Variants in TEX10 observed in about 807,000 individuals in gnomAD.
TEX10 encodes the protein testis-expressed protein 10.
Under a neutral mutation model 104.4 loss-of-function variants are expected in TEX10, and 24 were observed. That is an observed-to-expected ratio of 0.23 (90% confidence interval 0.17 to 0.32). The LOEUF (loss-of-function observed/expected upper bound fraction) is 0.32. TEX10 is among the 10% of genes least tolerant of loss of function. The probability of loss-of-function intolerance (pLI) is 1.00; values close to 1 mark genes in which losing one functional copy is unlikely to be tolerated. For synonymous variants in TEX10, 396 were observed against 393.4 expected (o/e 1.01, Z -0.08); for missense variants, 921 against 1,083.9 (o/e 0.85, Z 2.11).
chr9:100,310,178 G>A (rs111723709), intron 12 of TEX10, 121 bp downstream of exon 12: 14 of 792,196 alleles, frequency 1.8e-5, no homozygotes, highest in African/African-American at 1.6e-4. Context: ...CATGCTGCAA[G>A]AGACTATGAT....
rs770096152 is a variant in TEX10 at position 100,308,506 on chromosome 9, C to G, written c.2459G>C (p.Arg820Thr). 6.3e-7 allele frequency: 1 copy of G among 1,583,470 alleles called. No homozygotes were observed. The highest frequency in any genetic ancestry group is 2.2e-5 in the East Asian group (1 of 44,542). ...AAGAATAAAAAATAATTACCTCTTT[C>G]TTAGATGTTCTGCTTCCCCTTTCTC... ...TIEKGEAEHLRKRDKLWGVCV... is the reference protein window; with the variant it reads ...TIEKGEAEHLTKRDKLWGVCV... Residue 820 changes from arginine to threonine, a missense_variant, in exon 13 of 15, where the codon AGA becomes ACA. This residue lies in a region of TEX10 where 753 missense variants were observed against 868.4 expected (regional missense o/e 0.87). Coordinates refer to ENST00000374902, the MANE Select transcript of TEX10 (RefSeq NM_017746.4).
In TEX10 at chr9:100,340,166, G is replaced by A. The variant is rs1374757244; in HGVS notation, c.1250+91C>T. 7.0e-6 allele frequency: 5 copies of A among 710,438 alleles called. No homozygotes were observed. In the East Asian group the frequency reaches 1.5e-4, roughly 21 times the overall value. The allele number at this position is 710,438 out of a possible 1,614,324, so 44.0% of individuals were successfully genotyped here. A position where few individuals can be genotyped will look rare whatever the true frequency, so the allele number is the denominator to read the frequency against. Reference sequence around the variant, plus strand: ...AATCTAGACATAAATACACAGCAGTGTAGAAAGTTCCATATTAAGGTTAAT... The same window carrying A: ...AATCTAGACATAAATACACAGCAGTATAGAAAGTTCCATATTAAGGTTAAT... On this transcript the variant is annotated intron_variant, in intron 5 of 14. Coordinates refer to ENST00000374902, the MANE Select transcript of TEX10 (RefSeq NM_017746.4).
intron 5 of TEX10, among the ~76,000 whole-genome samples, chr9:100,333,111 C>G (rs910525145): frequency 2.0e-5 from 3 of 152,112 alleles, no homozygotes; most frequent in Non-Finnish European, 4.4e-5. Context: ...ATTACAGGAA[C>G]ATGCCACCAC....
chr9:100,305,208 G>A (rs1248719701), intron 13 of TEX10: 3 of 152,194 alleles, frequency 2.0e-5, no homozygotes, highest in African/African-American at 7.2e-5. Flanking sequence ...TACCAGGAGT[G>A]TATAATCTTC....
intron 2 of TEX10, among the ~76,000 whole-genome samples, 190 bp downstream of exon 2, chr9:100,348,994 C>G (rs1226459562): frequency 6.6e-6 from 1 of 152,100 alleles, no homozygotes; most frequent in Non-Finnish European, 1.5e-5. Context: ...GCGAACGTTT[C>G]TGGAGGAAGT....
At chr9:100,346,369 C>A in intron 3 of TEX10, 54 bp from the exon 4 acceptor site, 1 of 1,530,358 alleles carries the variant, frequency 6.5e-7, no homozygotes, top group Non-Finnish European at 8.8e-7. Context: ...TTTATTATCC[C>A]TTGCTAATTT....
intron 3 of TEX10, 58 bp downstream of exon 3, chr9:100,346,636 T>A: frequency 6.7e-7 from 1 of 1,500,404 alleles, no homozygotes; most frequent in Non-Finnish European, 9.0e-7. Flanking sequence ...TCATCAATGG[T>A]TAGCAGTTAT....
intron 10 of TEX10, 36 bp from the exon 11 acceptor site, chr9:100,320,434 AC>A: frequency 6.5e-7 from 1 of 1,546,104 alleles, no homozygotes; most frequent in African/African-American, 1.4e-5. Context: ...ATTTAAAAAA[AC>A]AAAAAACAAA....
chr9:100,329,193 C>T lies in TEX10; in HGVS notation c.1572G>A (p.Leu524=). The part of the protein sequence containing the change: ...GLILPVRTLL[L]KFFSKIYQTE... The stretch of plus-strand genomic sequence containing the variant: ...TCTGATAGATTTTACTGAAAAACTT[C>T]AATAACAAAGTCCGAACTGGAAGGA... Residue 524 remains leucine, a synonymous_variant, in exon 7 of 15, where the codon TTG becomes TTA. Coordinates refer to ENST00000374902, the MANE Select transcript of TEX10 (RefSeq NM_017746.4). 6.2e-7 allele frequency: 1 copy of T among 1,612,196 alleles called. No individual in the cohort carries two copies. Among genetic ancestry groups the T allele is most frequent in the Non-Finnish European group, 8.5e-7 (1 of 1,179,508 alleles).
At chr9:100,342,655 A>G (rs1463371809) in intron 4 of TEX10, among the ~76,000 whole-genome samples, 2 of 152,192 alleles carry the variant, frequency 1.3e-5, no homozygotes, top group Non-Finnish European at 2.9e-5. Context: ...GTTTGGTTAC[A>G]AACTCTAACC....
chr9:100,322,464 T>G lies in TEX10; in HGVS notation c.1980-693A>C, dbSNP rs905492212. Among the ~76,000 whole-genome samples the G allele has an allele frequency of 2.0e-5, 3 of 152,180 alleles. No individual in the cohort carries two copies. The South Asian group carries it at 6.2e-4, about 32-fold the overall frequency. ...GAAAACAGATGTCAGTCATGGGTATTGCAAAAAGGCTGAGAATAATCAGAC... is the reference window on the plus strand; with the variant it reads ...GAAAACAGATGTCAGTCATGGGTATGGCAAAAAGGCTGAGAATAATCAGAC... On this transcript the variant is annotated intron_variant, in intron 9 of 14. Coordinates refer to ENST00000374902, the MANE Select transcript of TEX10 (RefSeq NM_017746.4).
intron 11 of TEX10, among the ~76,000 whole-genome samples, chr9:100,315,693 G>GT (rs1834398789): frequency 3.3e-5 from 5 of 151,932 alleles, no homozygotes; most frequent in African/African-American, 1.2e-4. Context: ...GGGTTTTTTT[G>GT]TTTTTTCCTT....
chr9:100,310,696 C>T (rs897879015), intron 11 of TEX10, among the ~76,000 whole-genome samples: 1 of 152,194 alleles, frequency 6.6e-6, no homozygotes, highest in Non-Finnish European at 1.5e-5. Flanking sequence ...CCTCAAGACT[C>T]CCAAAGTGCT....
chr9:100,346,868 T>C lies in TEX10; in HGVS notation c.719A>G (p.Asp240Gly). The C allele has an allele frequency of 1.2e-6, 2 of 1,614,200 alleles. No homozygotes were observed. The highest frequency in any genetic ancestry group is 1.7e-6 in the Non-Finnish European group (2 of 1,180,024). ...ACTTTCTCTCAACCTACTGGATCCA[T>C]CTGCCAAGGCCTGAAGGAATTTACT... ...RLSKFLQALA[D>G]GSSRLRESEG... is the part of the protein sequence containing the mutation. The change falls in exon 3 of 15, where the codon GAT (aspartate) becomes GGT (glycine). Residue 240 changes from aspartate to glycine, a missense_variant. Around this residue, in one of 3 missense-constraint regions of TEX10, gnomAD observed 753 missense variants for 868.4 expected, o/e 0.87. Coordinates refer to ENST00000374902, the MANE Select transcript of TEX10 (RefSeq NM_017746.4).
chr9:100,344,387 A>G (rs1477116834), intron 4 of TEX10, among the ~76,000 whole-genome samples: 1 of 152,146 alleles, frequency 6.6e-6, no homozygotes, highest in Non-Finnish European at 1.5e-5. Context: ...AGATAAGATG[A>G]CCCAAAACTA....
At chr9:100,317,023 TG>T (rs1460088882) in intron 11 of TEX10, among the ~76,000 whole-genome samples, 10 of 151,332 alleles carry the variant, frequency 6.6e-5, no homozygotes, top group African/African-American at 2.2e-4. Flanking sequence ...AAACATTCAA[TG>T]TTCAGATAGA....
At chr9:100,347,466 A>C (rs1835328421) in intron 2 of TEX10, 60 bp from the exon 3 acceptor site, 2 of 1,327,090 alleles carry the variant, frequency 1.5e-6, no homozygotes, top group East Asian at 2.4e-5. Context: ...ATTTCACGTA[A>C]ACATGCTAAC....
In TEX10 at chr9:100,330,036, T is replaced by G. The variant is rs751616937; in HGVS notation, c.1384A>C (p.Lys462Gln). Residue 462 changes from lysine to glutamine, a missense_variant, in exon 6 of 15, where the codon AAA (lysine) becomes CAA (glutamine). Lys to Gln is a moderately conservative substitution (Grantham distance 53, BLOSUM62 1). Transcript: ENST00000374902. ...KDCSWIEMIR[K>Q]FVTETLEDGS... ...TCTTCAAGGGTCTCTGTTACAAATTTCCTTATCATTTCTATCCAACTGCAA... is the reference window on the plus strand; with the variant it reads ...TCTTCAAGGGTCTCTGTTACAAATTGCCTTATCATTTCTATCCAACTGCAA... The G allele has an allele frequency of 6.2e-7, 1 of 1,614,170 alleles. No homozygotes were observed. The highest frequency in any genetic ancestry group is 1.1e-5 in the South Asian group (1 of 91,076).
rs1256677288 is a variant in TEX10 at position 100,303,685 on chromosome 9, T to C, written c.2623A>G (p.Thr875Ala). 2 of 1,613,990 alleles carry C rather than the reference T, an allele frequency of 1.2e-6. No homozygotes were observed. Among genetic ancestry groups the C allele is most frequent in the African/African-American group, 2.7e-5 (2 of 74,984 alleles). Residue 875 changes from threonine to alanine, a missense_variant, in exon 14 of 15, where the codon ACT becomes GCT. Coordinates refer to ENST00000374902, the MANE Select transcript of TEX10 (RefSeq NM_017746.4). ...AAGATCGCATTGGTCAACATATGAG[T>C]CCTGAGGGGTGCATGCTGAAGCAGC... ...RLLLQHAPLR[T>A]HMLTNAILVQ...
Sources: gnomAD v4.1 joint callset for allele counts (sites outside exome capture counted in the v4.1 genomes callset) on GRCh38, gnomAD v4.1.1 for gene constraint, gnomAD v4.1.1 regional missense constraint, MANE v1.5 for transcripts, NCBI Gene and HGNC (gene_info 2026-07-23, HGNC 2026-07-21) for gene names.